The following WWC2 variants were observed in gnomAD, a reference collection of about 807,000 sequenced individuals.
WWC2 encodes the protein protein WWC2.
A neutral mutation model predicts 138.5 loss-of-function variants in WWC2; 101 were observed. The observed-to-expected ratio is 0.73, with a 90% CI of 0.62 to 0.86. The LOEUF is 0.86. Among genes scored for constraint, WWC2 ranks in the 40% least tolerant of loss-of-function variants. The probability of loss-of-function intolerance (pLI) is 0.00; values close to 1 mark genes in which losing one functional copy is unlikely to be tolerated. For missense variants in WWC2, 1,420 were observed against 1,419.4 expected, an observed-to-expected ratio of 1.00 and a Z score of -0.01; for synonymous variants, 558 against 538.4, an observed-to-expected ratio of 1.04 and a Z score of -0.50.
chr4:183,182,366 A>G lies in WWC2; in HGVS notation c.132-11233A>G, dbSNP rs147763180. ...ATTGACTGGCTGTGTGTTGAACTAC[A>G]GGTTGGGAATTGAGGCAGCCTTGGT... On this transcript the variant is annotated intron_variant, in intron 1 of 22. Coordinates refer to ENST00000403733, the MANE Select transcript of WWC2 (RefSeq NM_024949.6). Among the ~76,000 whole-genome samples, 480 of 152,320 alleles carry G rather than the reference A, an allele frequency of 3.2e-3. 5 individuals are homozygous for G. The highest frequency in any genetic ancestry group is 0.011 in the African/African-American group (468 of 41,574).
chr4:183,270,623 G>A (rs949784085), intron 15 of WWC2, among the ~76,000 whole-genome samples: 1 of 150,056 alleles, frequency 6.7e-6, no homozygotes, highest in Admixed American at 6.6e-5. Context: ...AATTAGCTGG[G>A]TGTTGTGGTG....
chr4:183,111,717 C>CG (rs1304027760), intron 1 of WWC2, among the ~76,000 whole-genome samples: 1 of 150,542 alleles, frequency 6.6e-6, no homozygotes, highest in Non-Finnish European at 1.5e-5. Flanking sequence ...TTTTTGATAC[C>CG]GGGTCTCACT....
At chr4:183,187,261 A>C (rs1377849967) in intron 1 of WWC2, among the ~76,000 whole-genome samples, 1 of 152,000 alleles carries the variant, frequency 6.6e-6, no homozygotes, top group Non-Finnish European at 1.5e-5. Flanking sequence ...TCTGTAAAAA[A>C]CGGGAATAGG....
intron 16 of WWC2, among the ~76,000 whole-genome samples, chr4:183,273,489 A>C (rs1391778747): frequency 6.6e-6 from 1 of 152,010 alleles, no homozygotes; most frequent in Non-Finnish European, 1.5e-5. Context: ...TTTTTAGTAG[A>C]GACGGGGTTT....
chr4:183,135,793 T>G (rs1401319405), intron 1 of WWC2, among the ~76,000 whole-genome samples: 2 of 152,174 alleles, frequency 1.3e-5, no homozygotes, highest in African/African-American at 4.8e-5. Context: ...TGTCTTCATT[T>G]CATTATCATT....
At chr4:183,236,043 T>G (rs967388501) in intron 4 of WWC2, among the ~76,000 whole-genome samples, 1 of 152,218 alleles carries the variant, frequency 6.6e-6, no homozygotes, top group South Asian at 2.1e-4. Flanking sequence ...ATGAGAGAGA[T>G]AGGGGTCTAG....
At chr4:183,147,319 A>T (rs571970790) in intron 1 of WWC2, among the ~76,000 whole-genome samples, 28 of 152,232 alleles carry the variant, frequency 1.8e-4, no homozygotes, top group Non-Finnish European at 3.8e-4. Context: ...GAAGCTAAGT[A>T]ATTTGCCCAA....
intron 10 of WWC2, 125 bp from the exon 11 acceptor site, chr4:183,260,785 C>A: frequency 1.5e-6 from 2 of 1,307,828 alleles, no homozygotes; most frequent in South Asian, 1.5e-5. Context: ...TTCCTCTGTC[C>A]CTGGCCATTG....
intron 2 of WWC2, among the ~76,000 whole-genome samples, chr4:183,197,882 T>G (rs567690301): frequency 6.6e-6 from 1 of 152,280 alleles, no homozygotes; most frequent in African/African-American, 2.4e-5. Context: ...GTCACCCTGG[T>G]AAGTTCTGTC....
intron 1 of WWC2, among the ~76,000 whole-genome samples, chr4:183,142,243 A>G (rs1733323418): frequency 6.6e-6 from 1 of 152,196 alleles, no homozygotes; most frequent in Non-Finnish European, 1.5e-5. Context: ...TTGCCTGGAA[A>G]TGCTCAATAA....
intron 2 of WWC2, among the ~76,000 whole-genome samples, chr4:183,200,619 C>CT (rs1735270443): frequency 6.6e-6 from 1 of 152,118 alleles, no homozygotes; most frequent in Admixed American, 6.5e-5. Flanking sequence ...TCAAGGCTGA[C>CT]TGGAGAAAGA....
chr4:183,139,735 A>G (rs1164835939), intron 1 of WWC2, among the ~76,000 whole-genome samples: 1 of 152,226 alleles, frequency 6.6e-6, no homozygotes, highest in East Asian at 1.9e-4. Flanking sequence ...ACACATATGC[A>G]TTCACCCGTG....
intron 4 of WWC2, among the ~76,000 whole-genome samples, chr4:183,212,867 G>C (rs1735645493): frequency 6.6e-6 from 1 of 152,020 alleles, no homozygotes; most frequent in Non-Finnish European, 1.5e-5. Context: ...GCCAGGTTTA[G>C]TTCGCTCTTA....
At chr4:183,255,132 C>T (rs898666827) in intron 9 of WWC2, among the ~76,000 whole-genome samples, 4 of 152,168 alleles carry the variant, frequency 2.6e-5, no homozygotes, top group Non-Finnish European at 4.4e-5. Flanking sequence ...AACATGAAAA[C>T]GTATCAAAAG....
chr4:183,100,674 A>G (rs1378431396), intron 1 of WWC2, among the ~76,000 whole-genome samples: 1 of 152,224 alleles, frequency 6.6e-6, no homozygotes, highest in Non-Finnish European at 1.5e-5. Context: ...TTTGAAGCTG[A>G]AATACCTAAC....
intron 1 of WWC2, among the ~76,000 whole-genome samples, chr4:183,146,639 C>T (rs780415771): frequency 6.6e-6 from 1 of 152,260 alleles, no homozygotes; most frequent in Non-Finnish European, 1.5e-5. Context: ...ATGTGCGCAG[C>T]GTACAGCCTG....
intron 1 of WWC2, among the ~76,000 whole-genome samples, chr4:183,121,522 C>T (rs1732600334): frequency 6.6e-6 from 1 of 152,104 alleles, no homozygotes; most frequent in South Asian, 2.1e-4. Context: ...ATTAGGGATA[C>T]TCAATCTAAT....
chr4:183,145,162 G>C (rs2111104242), intron 1 of WWC2, among the ~76,000 whole-genome samples: 1 of 152,298 alleles, frequency 6.6e-6, no homozygotes, highest in East Asian at 1.9e-4. Context: ...TGACTTTGTA[G>C]CCCTGTGGCA....
chr4:183,224,366 CTTAT>C (rs912513441), intron 4 of WWC2, among the ~76,000 whole-genome samples: 2 of 151,914 alleles, frequency 1.3e-5, no homozygotes, highest in Admixed American at 6.6e-5. Context: ...TATACCATTC[CTTAT>C]TTATTTATTT....
Sources: allele counts gnomAD v4.1 joint callset (sites outside exome capture counted in the v4.1 genomes callset), GRCh38; gene constraint gnomAD v4.1.1; transcripts MANE v1.5; gene names NCBI Gene and HGNC (gene_info 2026-07-23, HGNC 2026-07-21).